Variants in HSD17B12 observed in about 807,000 individuals in gnomAD.
HSD17B12 encodes the protein hydroxysteroid 17-beta dehydrogenase 12, also known as very-long-chain 3-oxoacyl-CoA reductase.
In HSD17B12, 32 loss-of-function variants were observed where a neutral mutation model predicts 39.3. The observed-to-expected ratio is 0.81, with a 90% CI of 0.61 to 1.09. The LOEUF (loss-of-function observed/expected upper bound fraction) is 1.09. Among genes scored for constraint, HSD17B12 ranks in the 50% least tolerant of loss-of-function variants. The probability of loss-of-function intolerance (pLI) is 0.00; values close to 1 mark genes in which losing one functional copy is unlikely to be tolerated. For synonymous variants in HSD17B12, 150 were observed against 146.7 expected (o/e 1.02, Z -0.16); for missense variants, 342 against 382.9 (o/e 0.89, Z 0.89).
At chr11:43,597,059 A>G in the HSD17B12 span, among the ~76,000 whole-genome samples, 570 of 152,364 alleles carry the variant, frequency 3.7e-3, 8 homozygotes, top group East Asian at 0.034. Flanking sequence ...TCATTCACTT[A>G]CCACCTATTA....
chr11:43,637,238 T>TTTTG, the HSD17B12 span, among the ~76,000 whole-genome samples: 1 of 137,152 alleles, frequency 7.3e-6, no homozygotes, highest in Admixed American at 7.2e-5. Context: ...TTTTTTTTTT[T>TTTTG]GAGACGGAGT....
chr11:43,751,075 C>T (rs1950461150), intron 2 of HSD17B12, 118 bp downstream of exon 2: 1 of 553,660 alleles, frequency 1.8e-6, no homozygotes, highest in Non-Finnish European at 3.0e-6. Flanking sequence ...TTGCATGGTA[C>T]AATAGATGCT....
At chr11:43,802,366 CA>C (rs1449084363) in intron 4 of HSD17B12, among the ~76,000 whole-genome samples, 2 of 151,902 alleles carry the variant, frequency 1.3e-5, no homozygotes, top group Non-Finnish European at 2.9e-5. Flanking sequence ...ATAATCAATA[CA>C]AAAAAATTTA....
chr11:43,673,762 A>G, the HSD17B12 span, among the ~76,000 whole-genome samples: 3 of 151,932 alleles, frequency 2.0e-5, no homozygotes, highest in African/African-American at 7.3e-5. Flanking sequence ...AGCTCAAGGG[A>G]TCTACCCAAA....
chr11:43,791,838 A>G lies in HSD17B12; in HGVS notation c.284-6482A>G, dbSNP rs11037644. ...TTAAAGAGGCTATAATGAAAAAAAT[A>G]TAATAACCTTGGCTTAAAATAAAGA... On this transcript the variant is annotated intron_variant, in intron 3 of 10. Coordinates refer to ENST00000278353, the MANE Select transcript of HSD17B12 (RefSeq NM_016142.3). 4.0e-3 allele frequency among the ~76,000 whole-genome samples: 606 copies of G among 152,364 alleles called. 6 individuals are homozygous for G. In the East Asian group the frequency reaches 0.044, roughly 11 times the overall value.
Position 43,838,303 on chromosome 11 carries a change from A to C in HSD17B12, c.537-14A>C. Reference sequence around the variant, plus strand: ...TGGCTTCACTCCTTTTACACGGTACATTTTCCTTTTTAGATCCAAAGGGGC... The same window carrying C: ...TGGCTTCACTCCTTTTACACGGTACCTTTTCCTTTTTAGATCCAAAGGGGC... On this transcript the variant is annotated splice_polypyrimidine_tract_variant and intron_variant, in intron 7 of 10. Transcript: ENST00000278353. 6.3e-7 allele frequency: 1 copy of C among 1,597,470 alleles called. No homozygotes were observed. The highest frequency in any genetic ancestry group is 8.6e-7 in the Non-Finnish European group (1 of 1,165,238).
rs1950263361 is a variant in HSD17B12, at chr11:43,731,147, C to T, written c.161-19764C>T. Among the ~76,000 whole-genome samples, 3 of 152,254 alleles carry T rather than the reference C, an allele frequency of 2.0e-5. No individual in the cohort carries two copies. In the South Asian group the frequency reaches 6.2e-4, roughly 32 times the overall value. ...AAGTAGCTGAGATTACAGGTGCACA[C>T]CACCCCGCCCAGCTGATATTTGTAT... On this transcript the variant is annotated intron_variant, in intron 1 of 10. Coordinates refer to ENST00000278353, the MANE Select transcript of HSD17B12 (RefSeq NM_016142.3).
At chr11:43,817,006 ATATCTATATCTATATCTATATC>A (rs1412466193) in intron 6 of HSD17B12, among the ~76,000 whole-genome samples, 2 of 22,932 alleles carry the variant, frequency 8.7e-5, no homozygotes, top group African/African-American at 2.4e-4. Context: ...ATCTATATCT[ATATCTATATCTATATCTATATC>A]TATATCTATA....
intron 1 of HSD17B12, among the ~76,000 whole-genome samples, chr11:43,724,717 C>T (rs897867177): frequency 6.6e-6 from 1 of 152,094 alleles, no homozygotes; most frequent in Non-Finnish European, 1.5e-5. Flanking sequence ...TCCACAAATG[C>T]CCCCTGCTAG....
the HSD17B12 span, among the ~76,000 whole-genome samples, chr11:43,656,570 G>A: frequency 1.3e-5 from 2 of 151,970 alleles, no homozygotes; most frequent in African/African-American, 4.8e-5. Context: ...ACACTGCTTT[G>A]AATGTGTCCC....
At chr11:43,592,766 C>G in the HSD17B12 span, among the ~76,000 whole-genome samples, 3 of 151,836 alleles carry the variant, frequency 2.0e-5, no homozygotes, top group African/African-American at 7.2e-5. Flanking sequence ...GCTTATAGAG[C>G]CATTTTTTTT....
chr11:43,588,251 A>T, the HSD17B12 span, among the ~76,000 whole-genome samples: 4 of 152,376 alleles, frequency 2.6e-5, 1 homozygote, highest in South Asian at 8.3e-4. Flanking sequence ...TAGCACTCCC[A>T]GGTGAACAGC....
chr11:43,734,582 T>A, intron 1 of HSD17B12: 1 of 440,762 alleles, frequency 2.3e-6, no homozygotes, highest in South Asian at 2.2e-5. Context: ...CCACCCTGCC[T>A]GCATCTTCAC....
chr11:43,718,313 A>G (rs1055904637), intron 1 of HSD17B12, among the ~76,000 whole-genome samples: 5 of 152,194 alleles, frequency 3.3e-5, no homozygotes, highest in African/African-American at 1.2e-4. Context: ...CCACGTGCAG[A>G]ATATACTTAC....
the HSD17B12 span, among the ~76,000 whole-genome samples, chr11:43,573,085 T>C: frequency 6.6e-5 from 10 of 152,170 alleles, no homozygotes; most frequent in African/African-American, 2.4e-4. Context: ...ACAAGCCCTC[T>C]GGGGGAGCAT....
At chr11:43,803,852 TAA>T (rs1274058856) in intron 4 of HSD17B12, among the ~76,000 whole-genome samples, 2 of 152,332 alleles carry the variant, frequency 1.3e-5, no homozygotes, top group Non-Finnish European at 2.9e-5. Flanking sequence ...AGAAAGCTTA[TAA>T]AACTTTGGCT....
the HSD17B12 span, among the ~76,000 whole-genome samples, chr11:43,658,304 T>G: frequency 2.0e-5 from 3 of 152,230 alleles, no homozygotes; most frequent in Admixed American, 6.5e-5. Context: ...TAGTTTTTTT[T>G]CAAAGTTTTT....
intron 1 of HSD17B12, among the ~76,000 whole-genome samples, chr11:43,682,623 T>C (rs1232834765): frequency 6.6e-6 from 1 of 151,828 alleles, no homozygotes; most frequent in Non-Finnish European, 1.5e-5. Context: ...CCAATTGACT[T>C]GCCCACATTC....
At chr11:43,582,041 G>GA in the HSD17B12 span, among the ~76,000 whole-genome samples, 6 of 152,124 alleles carry the variant, frequency 3.9e-5, no homozygotes, top group Non-Finnish European at 7.4e-5. Context: ...GGGTAGATCC[G>GA]AAAAAGAGGG....
Sources: allele counts gnomAD v4.1 joint callset (sites outside exome capture counted in the v4.1 genomes callset), GRCh38; gene constraint gnomAD v4.1.1; transcripts MANE v1.5; gene names NCBI Gene and HGNC (gene_info 2026-07-23, HGNC 2026-07-21).